Variants in NOCT observed in about 807,000 individuals in gnomAD.
NOCT encodes CCR4 carbon catabolite repression 4-like.
A neutral mutation model predicts 35.0 loss-of-function variants in NOCT; 18 were observed. The ratio of observed to expected loss-of-function variants is 0.51; its 90% CI spans 0.36 to 0.76. The LOEUF is 0.76. Among genes scored for constraint, NOCT ranks in the 30% least tolerant of loss-of-function variants. The probability of loss-of-function intolerance (pLI) is 0.01; values close to 1 mark genes in which losing one functional copy is unlikely to be tolerated. For missense variants in NOCT, 479 were observed against 541.0 expected (o/e 0.89, Z 1.14); for synonymous variants, 235 against 226.3 (o/e 1.04, Z -0.34).
At chr4:139,044,551 T>A in intron 2 of NOCT, 88 bp from the exon 3 acceptor site, 1 of 759,912 alleles carries the variant, frequency 1.3e-6, no homozygotes, top group Non-Finnish European at 2.2e-6. Context: ...GGAAGCATTC[T>A]GAGGGTCTTG....
chr4:139,018,995 T>C (rs1726363485), intron 1 of NOCT, among the ~76,000 whole-genome samples: 1 of 152,122 alleles, frequency 6.6e-6, no homozygotes, highest in African/African-American at 2.4e-5. Context: ...TTTGCAAAAA[T>C]GGACATTGTT....
intron 1 of NOCT, among the ~76,000 whole-genome samples, chr4:139,030,130 T>C (rs1001666540): frequency 6.6e-6 from 1 of 152,124 alleles, no homozygotes; most frequent in African/African-American, 2.4e-5. Flanking sequence ...CCACCTGCCT[T>C]GCCCTCTCAA....
chr4:139,029,259 C>T lies in NOCT; in HGVS notation c.190+13088C>T, dbSNP rs140628811. Among the ~76,000 whole-genome samples the T allele has an allele frequency of 9.2e-5, 14 of 152,288 alleles. No individual in the cohort carries two copies. The East Asian group carries it at 1.9e-3, about 21-fold the overall frequency. On this transcript the variant is annotated intron_variant, in intron 1 of 2. Coordinates refer to ENST00000280614, the MANE Select transcript of NOCT (RefSeq NM_012118.4). ...GTACCTCTTGTTTAACTAAATTAAT[C>T]CTCACAGTAACCAAATAAAATAGAT...
chr4:139,042,984 G>A lies in NOCT; in HGVS notation c.191-90G>A, dbSNP rs772619385. The stretch of plus-strand genomic sequence containing the variant: ...TGGCAACAATTGAGCTCCTGGTTTC[G>A]GTGGACAGTAAATGTTTATCTTACA... On this transcript the variant is annotated intron_variant, in intron 1 of 2. Transcript: ENST00000280614. 2.7e-5 allele frequency: 32 copies of A among 1,205,618 alleles called. No individual in the cohort carries two copies. The Admixed American group carries it at 4.4e-4, about 16-fold the overall frequency. The allele number at this position is 1,205,618 out of a possible 1,614,324, so 74.7% of individuals were successfully genotyped here. A position where few individuals can be genotyped will look rare whatever the true frequency, so the allele number is the denominator to read the frequency against.
intron 1 of NOCT, among the ~76,000 whole-genome samples, chr4:139,033,340 G>A (rs1484225338): frequency 6.6e-6 from 1 of 151,842 alleles, no homozygotes; most frequent in Non-Finnish European, 1.5e-5. Flanking sequence ...ACTCCAGCCT[G>A]GGCAACAGAG....
chr4:139,032,921 C>T (rs976479079), intron 1 of NOCT, among the ~76,000 whole-genome samples: 3 of 152,024 alleles, frequency 2.0e-5, no homozygotes, highest in African/African-American at 4.8e-5. Context: ...GTGAATTAGC[C>T]GAGGGTGGCG....
intron 1 of NOCT, among the ~76,000 whole-genome samples, chr4:139,019,215 C>T (rs562150147): frequency 7.9e-5 from 12 of 152,158 alleles, no homozygotes; most frequent in Admixed American, 4.6e-4. Flanking sequence ...GCCACTGTGC[C>T]GGGCTAATTT....
intron 1 of NOCT, among the ~76,000 whole-genome samples, chr4:139,023,106 A>G (rs1726445079): frequency 1.3e-5 from 2 of 152,160 alleles, no homozygotes; most frequent in African/African-American, 4.8e-5. Context: ...ATCTCAAAAA[A>G]AAAAAAGAAG....
chr4:139,043,570 AG>A (rs537209987), intron 2 of NOCT: 26 of 500,798 alleles, frequency 5.2e-5, no homozygotes, highest in African/African-American at 5.0e-4. Context: ...GTTCTTGGAT[AG>A]TCTACAAACA....
chr4:139,031,443 C>G (rs1021014811), intron 1 of NOCT, among the ~76,000 whole-genome samples: 3 of 151,974 alleles, frequency 2.0e-5, no homozygotes, highest in Non-Finnish European at 2.9e-5. Flanking sequence ...GCCACCACGC[C>G]CGGCCTGCCC....
At chr4:139,042,309 T>C (rs1356639891) in intron 1 of NOCT, among the ~76,000 whole-genome samples, 1 of 152,086 alleles carries the variant, frequency 6.6e-6, no homozygotes, top group East Asian at 1.9e-4. Context: ...CCTCAAGTGA[T>C]CCACCTGCCT....
chr4:139,035,197 G>C (rs1726708402), intron 1 of NOCT, among the ~76,000 whole-genome samples: 2 of 152,188 alleles, frequency 1.3e-5, no homozygotes, highest in South Asian at 4.1e-4. Context: ...CATGATCACA[G>C]CTCACTGCAG....
intron 1 of NOCT, among the ~76,000 whole-genome samples, chr4:139,024,665 C>T (rs1245117593): frequency 6.6e-6 from 1 of 152,190 alleles, no homozygotes; most frequent in East Asian, 1.9e-4. Flanking sequence ...GATCTCAGCT[C>T]ACTGCAGCCT....
chr4:139,029,411 ACTTT>A, intron 1 of NOCT, among the ~76,000 whole-genome samples: 1 of 152,314 alleles, frequency 6.6e-6, no homozygotes, highest in Middle Eastern at 3.4e-3. Context: ...TTGCTTTAAG[ACTTT>A]CTTGCCTCTG....
intron 1 of NOCT, among the ~76,000 whole-genome samples, chr4:139,027,874 C>T (rs1392131261): frequency 2.0e-5 from 3 of 152,062 alleles, no homozygotes; most frequent in Non-Finnish European, 4.4e-5. Context: ...AGGTTCCCCC[C>T]CTCCCCCTAC....
chr4:139,027,448 C>G (rs970891050), intron 1 of NOCT, among the ~76,000 whole-genome samples: 2 of 152,172 alleles, frequency 1.3e-5, no homozygotes, highest in African/African-American at 4.8e-5. Flanking sequence ...CGCAGCTACT[C>G]AACTCTGCTG....
chr4:139,016,620 C>G (rs184180041), intron 1 of NOCT, among the ~76,000 whole-genome samples: 23 of 136,074 alleles, frequency 1.7e-4, no homozygotes, highest in Admixed American at 1.6e-3. Context: ...GTGATAATAA[C>G]ACATTGATTC....
chr4:139,040,063 C>T (rs1455119240), intron 1 of NOCT, among the ~76,000 whole-genome samples: 8 of 122,808 alleles, frequency 6.5e-5, no homozygotes, highest in Admixed American at 1.8e-4. Context: ...TTTTTTGAGA[C>T]GGAGTCTCGG....
At position 139,045,705 on chromosome 4, in the gene NOCT, A is replaced by C. The variant is rs1726927663; in HGVS notation, c.*231A>C. ...CTAATTTTTTGTATTTTTAGTAGAG[A>C]CGGGGTTTCACCGTGTTAGCCAGGA... On this transcript the variant is annotated 3_prime_UTR_variant, in exon 3 of 3. Transcript: ENST00000280614. 2.5e-6 allele frequency: 1 copy of C among 395,202 alleles called. No individual in the cohort carries two copies. The highest frequency in any genetic ancestry group is 4.3e-5 in the East Asian group (1 of 23,192). 24.5% of individuals were successfully genotyped at this position (395,202 alleles called of 1,614,324 possible).
Sources: allele counts gnomAD v4.1 joint callset (sites outside exome capture counted in the v4.1 genomes callset), GRCh38; gene constraint gnomAD v4.1.1; transcripts MANE v1.5; gene names NCBI Gene and HGNC (gene_info 2026-07-23, HGNC 2026-07-21).